The following SYNJ1 variants were observed in gnomAD, a reference collection of about 807,000 sequenced individuals.
SYNJ1 encodes synaptojanin 1, also known as polyphosphatidylinositol phosphatase SYNJ1.
Under a neutral mutation model 168.2 loss-of-function variants are expected in SYNJ1, and 78 were observed. The observed-to-expected ratio is 0.46, with a 90% CI of 0.39 to 0.56. The LOEUF (loss-of-function observed/expected upper bound fraction) is 0.56. SYNJ1 is among the 20% of genes least tolerant of loss of function. The pLI is 0.00. For missense variants in SYNJ1, 1,303 were observed against 1,597.6 expected (o/e 0.82, Z 3.14); for synonymous variants, 539 against 548.6 (o/e 0.98, Z 0.24).
intron 23 of SYNJ1, among the ~76,000 whole-genome samples, chr21:32,649,219 G>A (rs371472452): frequency 3.3e-5 from 5 of 152,160 alleles, no homozygotes; most frequent in African/African-American, 7.2e-5. Flanking sequence ...CACAGCTGTC[G>A]AATCTCCAGC....
intron 15 of SYNJ1, among the ~76,000 whole-genome samples, chr21:32,668,043 G>A (rs2041017918): frequency 6.8e-6 from 1 of 146,492 alleles, no homozygotes; most frequent in Non-Finnish European, 1.5e-5. Context: ...GTGTGTGTGT[G>A]TGTGTGCATG....
At chr21:32,699,763 A>T in intron 4 of SYNJ1, 75 bp downstream of exon 4, 2 of 1,523,112 alleles carry the variant, frequency 1.3e-6, no homozygotes, top group Non-Finnish European at 1.8e-6. Context: ...TGTCACGGTG[A>T]GGAGGTTTTT....
Position 32,666,135 on chromosome 21 carries a change from C to T in SYNJ1, c.1953G>A (p.Arg651=), listed in dbSNP as rs768565296. The stretch of plus-strand genomic sequence containing the variant: ...TCTTCACAGTATCAACTGCAACATC[C>T]CTTTGAAACAAAGAATTCTAAATCG... ...FIRPQHAPFI[R]DVAVDTVKTG... Residue 651 remains arginine (R), a splice_region_variant and synonymous_variant, in exon 17 of 33, where the codon AGG becomes AGA. Transcript: ENST00000674351. 1.9e-6 allele frequency: 3 copies of T among 1,583,772 alleles called. No individual in the cohort carries two copies. In the Admixed American group the frequency reaches 5.7e-5, roughly 30 times the overall value.
chr21:32,727,995 C>T lies in SYNJ1; in HGVS notation c.-72G>A, dbSNP rs2043555058. On this transcript the variant is annotated 5_prime_UTR_variant, in exon 1 of 33. Transcript: ENST00000674351. The stretch of plus-strand genomic sequence containing the variant: ...CTTCTCCCGCAGCCGCCGCCACAGC[C>T]GCCGGGAGCGTCACTTCCGCTCCAG... 1 of 1,536,120 alleles carries T rather than the reference C, an allele frequency of 6.5e-7. No individual in the cohort carries two copies. The highest frequency in any genetic ancestry group is 2.5e-5 in the East Asian group (1 of 40,746).
At chr21:32,661,738 T>C (rs555689548) in intron 18 of SYNJ1, among the ~76,000 whole-genome samples, 2 of 152,066 alleles carry the variant, frequency 1.3e-5, no homozygotes, top group African/African-American at 4.8e-5. Flanking sequence ...TATGGTATTG[T>C]TTAAAATTAG....
At chr21:32,679,218 G>A (rs553700454) in intron 11 of SYNJ1, among the ~76,000 whole-genome samples, 1 of 152,212 alleles carries the variant, frequency 6.6e-6, no homozygotes, top group South Asian at 2.1e-4. Context: ...GAGCTTAACT[G>A]CCCCTAGAAA....
chr21:32,639,557 A>G, intron 30 of SYNJ1, 114 bp downstream of exon 30: 1 of 800,384 alleles, frequency 1.2e-6, no homozygotes, highest in Non-Finnish European at 2.0e-6. Context: ...ACCCCTGGCT[A>G]ATTTTAAGAG....
At chr21:32,679,166 T>C (rs1385468341) in intron 11 of SYNJ1, among the ~76,000 whole-genome samples, 1 of 152,134 alleles carries the variant, frequency 6.6e-6, no homozygotes, top group Non-Finnish European at 1.5e-5. Context: ...AACTTGGGGA[T>C]AAAATGGGTA....
intron 3 of SYNJ1, among the ~76,000 whole-genome samples, chr21:32,700,685 GA>G (rs1233320302): frequency 1.3e-5 from 2 of 151,864 alleles, no homozygotes; most frequent in African/African-American, 2.4e-5. Context: ...AAACAAACAA[GA>G]AAAAAACTTT....
At chr21:32,647,578 A>G (rs1485737268) in intron 23 of SYNJ1, among the ~76,000 whole-genome samples, 7 of 152,310 alleles carry the variant, frequency 4.6e-5, no homozygotes, top group African/African-American at 1.7e-4. Flanking sequence ...ATTTCTTCAG[A>G]AGCCAGGGTT....
At chr21:32,632,463 G>A (rs1297947845) in intron 32 of SYNJ1, among the ~76,000 whole-genome samples, 1 of 150,946 alleles carries the variant, frequency 6.6e-6, no homozygotes, top group Admixed American at 6.6e-5. Flanking sequence ...TTGGCTCACT[G>A]CAACCTCCAC....
At chr21:32,668,506 A>G (rs1188830788) in intron 15 of SYNJ1, among the ~76,000 whole-genome samples, 1 of 152,256 alleles carries the variant, frequency 6.6e-6, no homozygotes, top group Non-Finnish European at 1.5e-5. Flanking sequence ...TTCAGGAAAC[A>G]TAATCAAACA....
intron 21 of SYNJ1, among the ~76,000 whole-genome samples, chr21:32,655,912 A>T (rs1189325311): frequency 6.6e-6 from 1 of 152,142 alleles, no homozygotes. Flanking sequence ...AGAAGGAATG[A>T]CTCTTGACTA....
chr21:32,705,080 C>T (rs1734580052), intron 2 of SYNJ1, among the ~76,000 whole-genome samples: 1 of 148,958 alleles, frequency 6.7e-6, no homozygotes, highest in South Asian at 2.1e-4. Flanking sequence ...ACCTGGGAGG[C>T]GTAGGTTGCA....
In SYNJ1 at chr21:32,630,993, C is replaced by A. The variant is rs374988891; in HGVS notation, c.*812G>T. ...GTACCCACTGTTTTCTATTGCATGG[C>A]GTTATCTTTCTGTAAAGTCCAGTGT... On this transcript the variant is annotated 3_prime_UTR_variant, in exon 33 of 33. Coordinates refer to ENST00000674351, the MANE Select transcript of SYNJ1 (RefSeq NM_203446.3). 2 of 1,608,854 alleles carry A rather than the reference C, an allele frequency of 1.2e-6. No individual in the cohort carries two copies. Among genetic ancestry groups the A allele is most frequent in the African/African-American group, 2.7e-5 (2 of 74,700 alleles).
In SYNJ1 at chr21:32,657,731, G is replaced by A. The variant is rs1473591033; in HGVS notation, c.2446C>T (p.Pro816Ser). The stretch of plus-strand genomic sequence containing the variant: ...ATTTCCCAACCTGATCTATCAAAAG[G>A]CCATTTCCTCCTTCTCCAAAGGACA... Reference protein sequence around the residue: ...DRVLWRRRKWPFDRSAEDLDL... With the variant: ...DRVLWRRRKWSFDRSAEDLDL... The change falls in exon 19 of 33, where the codon CCT (proline) becomes TCT (serine). Residue 816 changes from proline to serine, a missense_variant. By Grantham distance (74) the Pro-to-Ser change is moderately conservative. Around this residue, in one of 2 missense-constraint regions of SYNJ1, gnomAD observed 920 missense variants for 1,208.8 expected, o/e 0.76. Coordinates refer to ENST00000674351, the MANE Select transcript of SYNJ1 (RefSeq NM_203446.3). The A allele has an allele frequency of 5.6e-6, 9 of 1,602,578 alleles. No homozygotes were observed. The highest frequency in any genetic ancestry group is 1.1e-5 in the South Asian group (1 of 88,332).
At chr21:32,716,447 G>C (rs1333859910) in intron 2 of SYNJ1, among the ~76,000 whole-genome samples, 1 of 152,138 alleles carries the variant, frequency 6.6e-6, no homozygotes, top group Non-Finnish European at 1.5e-5. Context: ...GGTTTGGTTT[G>C]GTTTCTTCCT....
At chr21:32,726,003 C>A (rs2043436186) in intron 2 of SYNJ1, among the ~76,000 whole-genome samples, 1 of 152,076 alleles carries the variant, frequency 6.6e-6, no homozygotes, top group Admixed American at 6.5e-5. Context: ...CGGAGCCGAA[C>A]TACTTTTTGT....
intron 29 of SYNJ1, among the ~76,000 whole-genome samples, chr21:32,641,355 T>C (rs1307600049): frequency 6.6e-6 from 1 of 152,142 alleles, no homozygotes; most frequent in African/African-American, 2.4e-5. Context: ...AGAGAACATA[T>C]AAACATACAG....
Sources: gnomAD v4.1 joint callset for allele counts (sites outside exome capture counted in the v4.1 genomes callset) on GRCh38, gnomAD v4.1.1 for gene constraint, gnomAD v4.1.1 regional missense constraint, MANE v1.5 for transcripts, NCBI Gene and HGNC (gene_info 2026-07-23, HGNC 2026-07-21) for gene names.